Variants in KLHL14 observed in about 807,000 individuals in gnomAD.
The protein encoded by KLHL14 is kelch-like protein 14.
In KLHL14, 22 loss-of-function variants were observed where a neutral mutation model predicts 64.3. The observed-to-expected ratio is 0.34, with a 90% CI of 0.24 to 0.49. The LOEUF (loss-of-function observed/expected upper bound fraction) is 0.49. Ranked by LOEUF, KLHL14 falls within the 20% of genes least tolerant of loss-of-function variation. The pLI, the probability that KLHL14 is intolerant of heterozygous loss-of-function variation, is 0.99. For missense variants in KLHL14, 661 were observed against 789.0 expected (o/e 0.84, Z 1.94); for synonymous variants, 322 against 333.4 (o/e 0.97, Z 0.37).
At position 32,674,702 on chromosome 18, in the gene KLHL14, G is replaced by A. The variant is rs1230101368; in HGVS notation, c.1842C>T (p.Ala614=). 5.1e-6 allele frequency: 4 copies of A among 780,830 alleles called. No individual in the cohort carries two copies. The highest frequency in any genetic ancestry group is 9.6e-6 in the Non-Finnish European group (4 of 418,046). The allele number at this position is 780,830 out of a possible 1,614,324, so 48.4% of individuals were successfully genotyped here. The change falls in exon 9 of 9, where the codon GCC becomes GCT. Residue 614 remains alanine (A), a synonymous_variant. Coordinates refer to ENST00000359358, the MANE Select transcript of KLHL14 (RefSeq NM_020805.3). ...AAGAGGGCAGAATAACTGTCACACA[G>A]GCAGGGCCTGCCAACGGTTCTGCTA... ...GDVAEPLAGP[A]CVTVILPSCV... is the part of the protein sequence containing the mutation.
chr18:32,687,264 T>C, intron 4 of KLHL14, 31 bp from the exon 5 acceptor site: 1 of 1,548,122 alleles, frequency 6.5e-7, no homozygotes, highest in Non-Finnish European at 8.9e-7. Context: ...CATTTAAAAC[T>C]TAGATTCTTT....
chr18:32,675,545 G>C (rs2049807432), intron 8 of KLHL14, among the ~76,000 whole-genome samples: 1 of 152,080 alleles, frequency 6.6e-6, no homozygotes, highest in African/African-American at 2.4e-5. Flanking sequence ...CCAGTTCAAA[G>C]TAAACTGGAA....
chr18:32,706,393 T>C (rs187191327), intron 3 of KLHL14, among the ~76,000 whole-genome samples: 16 of 152,332 alleles, frequency 1.1e-4, no homozygotes, highest in African/African-American at 3.8e-4. Context: ...ACCGAAGCAG[T>C]GCAGGTCAGA....
intron 3 of KLHL14, among the ~76,000 whole-genome samples, chr18:32,698,631 G>C (rs2049947957): frequency 2.0e-5 from 3 of 152,202 alleles, no homozygotes. Context: ...GGGAGTAGGA[G>C]AGAGGCACTT....
Position 32,680,652 on chromosome 18 carries a change from C to T in KLHL14, c.1239-53G>A. 1 of 1,519,786 alleles carries T rather than the reference C, an allele frequency of 6.6e-7. No individual in the cohort carries two copies. The highest frequency in any genetic ancestry group is 2.0e-5 in the Admixed American group (1 of 50,594). 94.1% of individuals were successfully genotyped at this position (1,519,786 alleles called of 1,614,324 possible). On this transcript the variant is annotated intron_variant, in intron 5 of 8. Transcript: ENST00000359358. The surrounding 1 kb of genome is among the most constrained non-coding windows in gnomAD (Gnocchi z 4.8). ...CACAAGAGGAGCTGTGAAATGTTAC[C>T]TTTCGAAATAAGATAAGCACCACAC...
intron 3 of KLHL14, among the ~76,000 whole-genome samples, chr18:32,711,665 A>G (rs893814810): frequency 1.3e-5 from 2 of 152,314 alleles, no homozygotes; most frequent in Non-Finnish European, 1.5e-5. Flanking sequence ...CTGAGCATCA[A>G]GGGCTAGTAG....
intron 3 of KLHL14, among the ~76,000 whole-genome samples, chr18:32,712,402 A>C (rs1392383091): frequency 1.3e-5 from 2 of 152,186 alleles, no homozygotes; most frequent in Non-Finnish European, 2.9e-5. Context: ...GCATCAGTAG[A>C]CCTGTACTGT....
chr18:32,710,554 C>G lies in KLHL14; in HGVS notation c.1070-15002G>C, dbSNP rs79382681. On this transcript the variant is annotated intron_variant, in intron 3 of 8. Transcript: ENST00000359358. ...CACCTACTATGTGCTGTATATGAAA[C>G]AGAAAAGAATGTAAGCATCTCTGCC... 6.8e-3 allele frequency among the ~76,000 whole-genome samples: 1,038 copies of G among 152,148 alleles called. 9 individuals carry two copies. Among genetic ancestry groups the G allele is most frequent in the African/African-American group, 0.024 (994 of 41,518 alleles).
intron 3 of KLHL14, among the ~76,000 whole-genome samples, chr18:32,732,988 G>A (rs887494490): frequency 6.6e-5 from 10 of 152,186 alleles, no homozygotes; most frequent in Admixed American, 6.5e-4. Context: ...GTTGGTTGCT[G>A]TTGGCTGGAC....
intron 3 of KLHL14, among the ~76,000 whole-genome samples, chr18:32,735,059 A>G (rs945937532): frequency 2.0e-5 from 3 of 152,232 alleles, no homozygotes; most frequent in African/African-American, 7.2e-5. Flanking sequence ...AACCAAGATT[A>G]TATTATTGAC....
chr18:32,685,650 G>A (rs2049873505), intron 5 of KLHL14, among the ~76,000 whole-genome samples: 1 of 152,096 alleles, frequency 6.6e-6, no homozygotes. Flanking sequence ...ATTTCCTCAG[G>A]TACCTTTGAA....
chr18:32,757,650 TG>T (rs1568084126), intron 2 of KLHL14, among the ~76,000 whole-genome samples: 1 of 152,212 alleles, frequency 6.6e-6, no homozygotes. Context: ...ATTTCTTATG[TG>T]TCTTTAAGAA....
chr18:32,768,390 G>GACACACACACACAC (rs10567081), intron 2 of KLHL14, among the ~76,000 whole-genome samples: 3 of 141,586 alleles, frequency 2.1e-5, no homozygotes, highest in Non-Finnish European at 3.1e-5. Flanking sequence ...GAAACATAAT[G>GACACACACACACAC]ACACACACAC....
Position 32,769,692 on chromosome 18 carries a change from G to A in KLHL14, c.900C>T (p.Tyr300=), listed in dbSNP as rs2050366973. 1 of 1,566,078 alleles carries A rather than the reference G, an allele frequency of 6.4e-7. No individual in the cohort carries two copies. Among genetic ancestry groups the A allele is most frequent in the African/African-American group, 1.4e-5 (1 of 73,968 alleles). ...AGTGCTGCCTGAAGGGCATCAGGTG[G>A]TAGTTCATGGCGTCCAGCAGCAGCT... ...CQKLLLDAMN[Y]HLMPFRQHCR... The change falls in exon 2 of 9, where the codon TAC becomes TAT. Residue 300 remains tyrosine (Y), a synonymous_variant. Coordinates refer to ENST00000359358, the MANE Select transcript of KLHL14 (RefSeq NM_020805.3).
chr18:32,682,442 C>A (rs2049845199), intron 5 of KLHL14, among the ~76,000 whole-genome samples: 1 of 152,048 alleles, frequency 6.6e-6, no homozygotes, highest in Non-Finnish European at 1.5e-5. Flanking sequence ...AAGACTTAAC[C>A]AGGTCCATGT....
At chr18:32,741,806 C>A (rs2050199842) in intron 3 of KLHL14, 122 bp downstream of exon 3, 1 of 1,194,478 alleles carries the variant, frequency 8.4e-7, no homozygotes, top group Non-Finnish European at 1.1e-6. Context: ...CATAAACAAA[C>A]CTCCAAAGGG....
rs566771136 is a variant in KLHL14 at position 32,682,243 on chromosome 18, G to T, written c.1239-1644C>A. On this transcript the variant is annotated intron_variant, in intron 5 of 8. Transcript: ENST00000359358. ...TGATAGTCCTGAAATTATCCCAATAGATATCATTGATAATTTTAGAGCAAT... is the reference window on the plus strand; with the variant it reads ...TGATAGTCCTGAAATTATCCCAATATATATCATTGATAATTTTAGAGCAAT... 6.1e-4 allele frequency among the ~76,000 whole-genome samples: 93 copies of T among 152,226 alleles called. 1 individual carries two copies. Among genetic ancestry groups the T allele is most frequent in the Non-Finnish European group, 1.0e-3 (69 of 68,014 alleles).
intron 2 of KLHL14, among the ~76,000 whole-genome samples, chr18:32,750,243 G>T (rs563148899): frequency 5.4e-4 from 82 of 152,096 alleles, no homozygotes; most frequent in African/African-American, 1.8e-3. Context: ...AAATAGTTTT[G>T]GTTTTCCACA....
At chr18:32,694,638 G>A (rs896131373) in intron 4 of KLHL14, among the ~76,000 whole-genome samples, 63 of 152,186 alleles carry the variant, frequency 4.1e-4, no homozygotes, top group African/African-American at 1.5e-3. Flanking sequence ...TGGTGCAGAT[G>A]CTGAAAGAGA....
Sources: gnomAD v4.1 joint callset for allele counts (sites outside exome capture counted in the v4.1 genomes callset) on GRCh38, gnomAD v4.1.1 for gene constraint, Gnocchi (gnomAD v3.1) non-coding constraint, MANE v1.5 for transcripts, NCBI Gene and HGNC (gene_info 2026-07-23, HGNC 2026-07-21) for gene names.